The following GRM8 variants were observed in gnomAD, a reference collection of about 807,000 sequenced individuals.
GRM8 encodes the protein glutamate metabotropic receptor 8.
A neutral mutation model predicts 87.2 loss-of-function variants in GRM8; 47 were observed. The ratio of observed to expected loss-of-function variants is 0.54; its 90% CI spans 0.43 to 0.69. The LOEUF is 0.69. Ranked by LOEUF, GRM8 falls within the 30% of genes least tolerant of loss-of-function variation. GRM8 has a pLI of 0.00. For synonymous variants in GRM8, 396 were observed against 404.5 expected (o/e 0.98, Z 0.25); for missense variants, 1,019 against 1,139.2 (o/e 0.89, Z 1.52).
At chr7:127,141,566 G>A (rs1001150307) in intron 2 of GRM8, among the ~76,000 whole-genome samples, 1 of 152,088 alleles carries the variant, frequency 6.6e-6, no homozygotes, top group Non-Finnish European at 1.5e-5. Flanking sequence ...GACTTTCACA[G>A]TTGTCACACC....
At chr7:126,713,846 T>C (rs1470620687) in intron 7 of GRM8, among the ~76,000 whole-genome samples, 1 of 151,986 alleles carries the variant, frequency 6.6e-6, no homozygotes, top group East Asian at 1.9e-4. Flanking sequence ...TATATGTATA[T>C]CTAATCATCA....
intron 2 of GRM8, among the ~76,000 whole-genome samples, chr7:127,123,367 T>A (rs1387217402): frequency 6.6e-6 from 1 of 152,136 alleles, no homozygotes; most frequent in Non-Finnish European, 1.5e-5. Flanking sequence ...CCTTCCTGAA[T>A]ACGCTAATGC....
intron 7 of GRM8, among the ~76,000 whole-genome samples, chr7:126,702,345 C>T (rs1810032644): frequency 8.4e-6 from 1 of 118,672 alleles, no homozygotes; most frequent in South Asian, 2.4e-4. Flanking sequence ...CTGTTTCAAC[C>T]TCATTTTGCA....
chr7:127,077,148 G>T (rs1822365061), intron 3 of GRM8, among the ~76,000 whole-genome samples: 1 of 152,114 alleles, frequency 6.6e-6, no homozygotes, highest in Non-Finnish European at 1.5e-5. Context: ...GTGTGAGTAT[G>T]TGTCTGTATC....
intron 9 of GRM8, among the ~76,000 whole-genome samples, chr7:126,471,091 C>T (rs1313188718): frequency 6.6e-6 from 1 of 151,960 alleles, no homozygotes; most frequent in South Asian, 2.1e-4. Flanking sequence ...TGGATATTAG[C>T]CCTTTGTCAG....
Position 126,920,890 on chromosome 7 carries a change from G to T in GRM8, c.728-16207C>A, listed in dbSNP as rs531781127. Among the ~76,000 whole-genome samples, 5 of 138,020 alleles carry T rather than the reference G, an allele frequency of 3.6e-5. No homozygotes were observed. In the South Asian group the frequency reaches 1.1e-3, roughly 31 times the overall value. 90.5% of individuals were successfully genotyped at this position (138,020 alleles called of 152,430 possible). On this transcript the variant is annotated intron_variant, in intron 3 of 10. Coordinates refer to ENST00000339582, the MANE Select transcript of GRM8 (RefSeq NM_000845.3). ...TGGAAGAGTCTTCTCTGGAGAATCT[G>T]GTCCAAGGGTAATGACATACTGATA...
At position 126,920,440 on chromosome 7, in the gene GRM8, G is replaced by T. The variant is rs572850661; in HGVS notation, c.728-15757C>A. 3.3e-4 allele frequency among the ~76,000 whole-genome samples: 50 copies of T among 152,272 alleles called. 1 individual carries two copies. In the South Asian group the frequency reaches 1.0e-2, roughly 30 times the overall value. On this transcript the variant is annotated intron_variant, in intron 3 of 10. Transcript: ENST00000339582. ...ATGTTTTGAAAGCTGAAAAGCAGATGATTACCAAGTTGCAATTGACTTACC... is the reference window on the plus strand; with the variant it reads ...ATGTTTTGAAAGCTGAAAAGCAGATTATTACCAAGTTGCAATTGACTTACC...
intron 3 of GRM8, among the ~76,000 whole-genome samples, chr7:126,971,465 C>T (rs927852499): frequency 6.6e-6 from 1 of 152,166 alleles, no homozygotes; most frequent in Non-Finnish European, 1.5e-5. Flanking sequence ...TATTCATATA[C>T]ATCTCACTGA....
chr7:126,871,738 T>C (rs913765208), intron 6 of GRM8, among the ~76,000 whole-genome samples: 1 of 152,216 alleles, frequency 6.6e-6, no homozygotes, highest in African/African-American at 2.4e-5. Flanking sequence ...AAGTAGAGTT[T>C]GTAAACTATT....
At chr7:126,806,676 C>T (rs1364949195) in intron 6 of GRM8, among the ~76,000 whole-genome samples, 1 of 152,240 alleles carries the variant, frequency 6.6e-6, no homozygotes, top group Non-Finnish European at 1.5e-5. Flanking sequence ...AGAAACCCAG[C>T]CGGCTTCACC....
chr7:126,549,680 A>G (rs1051901998), intron 8 of GRM8, among the ~76,000 whole-genome samples: 2 of 152,208 alleles, frequency 1.3e-5, no homozygotes, highest in Non-Finnish European at 2.9e-5. Flanking sequence ...GGTTTATTTT[A>G]CATTTGAGGA....
intron 7 of GRM8, among the ~76,000 whole-genome samples, chr7:126,628,206 C>A (rs922982620): frequency 2.0e-5 from 3 of 152,100 alleles, no homozygotes; most frequent in Non-Finnish European, 4.4e-5. Flanking sequence ...TGCCACCATG[C>A]CCAGCTAATT....
chr7:126,538,840 T>A (rs1816180946), intron 8 of GRM8, among the ~76,000 whole-genome samples: 1 of 152,062 alleles, frequency 6.6e-6, no homozygotes. Flanking sequence ...ATTTTGCATA[T>A]CACATGATTC....
intron 3 of GRM8, among the ~76,000 whole-genome samples, chr7:126,941,666 T>A (rs1172947123): frequency 2.0e-5 from 3 of 151,000 alleles, no homozygotes; most frequent in African/African-American, 7.3e-5. Flanking sequence ...AGCAGACAAG[T>A]TCGTGTCATT....
At chr7:126,950,141 G>A (rs111462379) in intron 3 of GRM8, among the ~76,000 whole-genome samples, 4 of 152,176 alleles carry the variant, frequency 2.6e-5, no homozygotes, top group African/African-American at 9.7e-5. Context: ...GAGGACCCAG[G>A]TGATTCAAAC....
chr7:126,638,044 T>A (rs1248850577), intron 7 of GRM8, among the ~76,000 whole-genome samples: 2 of 152,142 alleles, frequency 1.3e-5, no homozygotes, highest in Non-Finnish European at 2.9e-5. Flanking sequence ...TGAAGGTATA[T>A]TTCGAAAATA....
intron 7 of GRM8, among the ~76,000 whole-genome samples, chr7:126,760,831 C>T (rs11770578): frequency 0.38 from 57,764 of 152,002 alleles, 12,441 homozygotes; most frequent in Non-Finnish European, 0.48. Context: ...AAATTATGCA[C>T]CATAACTTCA....
At chr7:126,881,888 A>G (rs550857367) in intron 6 of GRM8, among the ~76,000 whole-genome samples, 1 of 152,316 alleles carries the variant, frequency 6.6e-6, no homozygotes, top group East Asian at 1.9e-4. Flanking sequence ...TTATATATGT[A>G]TAAGTATAAA....
chr7:126,604,846 T>A (rs1585195860), intron 8 of GRM8, among the ~76,000 whole-genome samples: 2 of 152,214 alleles, frequency 1.3e-5, no homozygotes, highest in African/African-American at 4.8e-5. Flanking sequence ...TTAAATCAGG[T>A]TCAAAATTAT....
Sources: allele counts gnomAD v4.1 joint callset (sites outside exome capture counted in the v4.1 genomes callset), GRCh38; gene constraint gnomAD v4.1.1; transcripts MANE v1.5; gene names NCBI Gene and HGNC (gene_info 2026-07-23, HGNC 2026-07-21).